ELOVL5: variants seen among roughly 807,000 people sequenced by gnomAD.
ELOVL5 encodes ELOVL fatty acid elongase 5.
In ELOVL5, 8 loss-of-function variants were observed where a neutral mutation model predicts 38.6. The ratio of observed to expected loss-of-function variants is 0.21; its 90% CI spans 0.12 to 0.37. The LOEUF is 0.37. Among genes scored for constraint, ELOVL5 ranks in the 10% least tolerant of loss-of-function variants. ELOVL5 has a pLI of 1.00. For missense variants in ELOVL5, 280 were observed against 367.8 expected (o/e 0.76, Z 1.95); for synonymous variants, 127 against 133.7 (o/e 0.95, Z 0.34).
intron 1 of ELOVL5, among the ~76,000 whole-genome samples, chr6:53,345,916 T>C (rs1379710019): frequency 6.6e-6 from 1 of 152,204 alleles, no homozygotes; most frequent in Non-Finnish European, 1.5e-5. Flanking sequence ...TCTTCCACTT[T>C]AAGTTATGCG....
At chr6:53,301,272 C>T (rs1767238258) in intron 1 of ELOVL5, among the ~76,000 whole-genome samples, 2 of 152,138 alleles carry the variant, frequency 1.3e-5, no homozygotes, top group Non-Finnish European at 2.9e-5. Context: ...TTCTCAATAA[C>T]CCGAATCACA....
At chr6:53,295,405 T>C (rs1766952207) in intron 2 of ELOVL5, among the ~76,000 whole-genome samples, 1 of 152,176 alleles carries the variant, frequency 6.6e-6, no homozygotes, top group Admixed American at 6.5e-5. Context: ...TCTATAGTAT[T>C]CTCAGGCTAC....
At chr6:53,274,113 G>A (rs74405599) in intron 5 of ELOVL5, among the ~76,000 whole-genome samples, 1,710 of 152,312 alleles carry the variant, frequency 0.011, 27 homozygotes, top group African/African-American at 0.039. Flanking sequence ...CATGGCCCAA[G>A]TGGAGCTGAT....
intron 1 of ELOVL5, among the ~76,000 whole-genome samples, chr6:53,297,751 T>C (rs1450198863): frequency 1.3e-5 from 2 of 152,142 alleles, no homozygotes; most frequent in African/African-American, 4.8e-5. Context: ...TAGGCTTCCA[T>C]TCTAGGGGCC....
rs1174792390 is a variant in ELOVL5, at chr6:53,305,339, C to G, written c.-8-9632G>C. On this transcript the variant is annotated intron_variant, in intron 1 of 7. Coordinates refer to ENST00000304434, the MANE Select transcript of ELOVL5 (RefSeq NM_021814.5). ...TGGCCGGGCAGGGGGCTGACCCCCC[C>G]ACCTCCCTCCCGGACGGGGCGGCTG... Among the ~76,000 whole-genome samples, 23 of 135,726 alleles carry G rather than the reference C, an allele frequency of 1.7e-4. No individual in the cohort carries two copies. The South Asian group carries it at 4.9e-3, about 29-fold the overall frequency. The allele number at this position is 135,726 out of a possible 152,430, so 89.0% of individuals were successfully genotyped here.
chr6:53,280,938 A>G (rs898742573), intron 3 of ELOVL5, among the ~76,000 whole-genome samples: 1 of 152,164 alleles, frequency 6.6e-6, no homozygotes, highest in Non-Finnish European at 1.5e-5. Flanking sequence ...TTCCCATCTA[A>G]TAACACATTT....
chr6:53,284,824 C>T (rs946758804), intron 3 of ELOVL5, among the ~76,000 whole-genome samples: 2 of 151,916 alleles, frequency 1.3e-5, no homozygotes, highest in African/African-American at 2.4e-5. Flanking sequence ...TCTGTTGTGG[C>T]GATCTGTGTG....
At chr6:53,295,063 C>G (rs980519338) in intron 2 of ELOVL5, among the ~76,000 whole-genome samples, 1 of 152,172 alleles carries the variant, frequency 6.6e-6, no homozygotes, top group African/African-American at 2.4e-5. Context: ...TCATGAGAAA[C>G]TGAGATTCTT....
At chr6:53,280,761 T>C (rs1447418878) in intron 3 of ELOVL5, among the ~76,000 whole-genome samples, 1 of 152,060 alleles carries the variant, frequency 6.6e-6, no homozygotes, top group Non-Finnish European at 1.5e-5. Context: ...CCCGGCTAAT[T>C]TTTATATTTT....
intron 3 of ELOVL5, among the ~76,000 whole-genome samples, chr6:53,289,914 G>T (rs1019781931): frequency 6.6e-6 from 1 of 152,152 alleles, no homozygotes; most frequent in Non-Finnish European, 1.5e-5. Flanking sequence ...ATAGCTTTTT[G>T]TAAACTTGAT....
Position 53,269,259 on chromosome 6 carries a change from CTTG to C in ELOVL5, c.765_767del (p.Asn255del). 1.2e-6 allele frequency: 2 copies of C among 1,610,486 alleles called. No homozygotes were observed. The highest frequency in any genetic ancestry group is 1.7e-6 in the Non-Finnish European group (2 of 1,178,418). On this transcript the variant is annotated inframe_deletion, in exon 8 of 8. Transcript: ENST00000304434. ...GGTCTTTCCTTCGGGAGGCCCCTTT[CTTG>C]TTGTAGGTCTAAAATGTGTAAGGGC...
intron 1 of ELOVL5, among the ~76,000 whole-genome samples, chr6:53,331,880 C>T (rs992724876): frequency 6.6e-6 from 1 of 152,158 alleles, no homozygotes; most frequent in African/African-American, 2.4e-5. Flanking sequence ...CTGCAGACTG[C>T]ACAAGCAGCA....
intron 1 of ELOVL5, among the ~76,000 whole-genome samples, chr6:53,334,398 T>A (rs1242648995): frequency 6.6e-6 from 1 of 152,186 alleles, no homozygotes; most frequent in South Asian, 2.1e-4. Flanking sequence ...ATATAACTTT[T>A]ATCTTTACTT....
At chr6:53,309,158 T>C (rs1275077426) in intron 1 of ELOVL5, among the ~76,000 whole-genome samples, 1 of 152,280 alleles carries the variant, frequency 6.6e-6, no homozygotes, top group East Asian at 1.9e-4. Flanking sequence ...TGGCCAAGTC[T>C]ATAAAGCTCT....
At chr6:53,270,200 A>C (rs2073040) in intron 7 of ELOVL5, among the ~76,000 whole-genome samples, 2 of 152,080 alleles carry the variant, frequency 1.3e-5, no homozygotes, top group African/African-American at 4.8e-5. Flanking sequence ...ACAAAAAAGC[A>C]GATCTCCATA....
At chr6:53,327,626 T>C (rs964738231) in intron 1 of ELOVL5, among the ~76,000 whole-genome samples, 4 of 152,174 alleles carry the variant, frequency 2.6e-5, no homozygotes, top group Non-Finnish European at 5.9e-5. Flanking sequence ...CAAACAACAC[T>C]GTGGATGTAC....
At chr6:53,294,493 TG>T (rs1471396517) in intron 2 of ELOVL5, 2 of 1,545,494 alleles carry the variant, frequency 1.3e-6, no homozygotes, top group Non-Finnish European at 1.7e-6. Context: ...TGCTGATACC[TG>T]GAAGTGGCAA....
chr6:53,330,623 G>A (rs1274046271), intron 1 of ELOVL5, among the ~76,000 whole-genome samples: 4 of 142,142 alleles, frequency 2.8e-5, no homozygotes, highest in Non-Finnish European at 4.5e-5. Context: ...CTGACCTCAA[G>A]TGATCCTGCC....
chr6:53,311,149 C>T (rs1003857633), intron 1 of ELOVL5, among the ~76,000 whole-genome samples: 1 of 152,156 alleles, frequency 6.6e-6, no homozygotes, highest in Non-Finnish European at 1.5e-5. Flanking sequence ...ACAATTTTCT[C>T]TTCCACAAAA....
Sources: gnomAD v4.1 joint callset for allele counts (sites outside exome capture counted in the v4.1 genomes callset) on GRCh38, gnomAD v4.1.1 for gene constraint, MANE v1.5 for transcripts, NCBI Gene and HGNC (gene_info 2026-07-23, HGNC 2026-07-21) for gene names.